KLHL26: variants seen among roughly 807,000 people sequenced by gnomAD.
KLHL26 encodes kelch like family member 26, also known as kelch-like protein 26.
A neutral mutation model predicts 7.1 loss-of-function variants in KLHL26; 4 were observed. That is an observed-to-expected ratio of 0.56 (90% CI 0.28 to 1.28). KLHL26 has a LOEUF of 1.28. KLHL26 is among the 50% of genes most tolerant of loss of function. The pLI, the probability that KLHL26 is intolerant of heterozygous loss-of-function variation, is 0.11. For synonymous variants in KLHL26, 465 were observed against 414.1 expected (o/e 1.12, Z -1.49); for missense variants, 896 against 924.6 (o/e 0.97, Z 0.40).
Position 18,664,267 on chromosome 19 carries a change from C to A in KLHL26, c.90C>A (p.Ala30=). ...ACCTCTGCTTTCCCCGCAGCACGGCCGACAAGAACGGGGCCCTCAAGTGCA... is the reference window on the plus strand; with the variant it reads ...ACCTCTGCTTTCCCCGCAGCACGGCAGACAAGAACGGGGCCCTCAAGTGCA... ...GPGPERPNST[A]DKNGALKCTF... Residue 30 remains alanine, a synonymous_variant, in exon 2 of 3, where the codon GCC becomes GCA. Transcript: ENST00000300976. 1 of 1,595,894 alleles carries A rather than the reference C, an allele frequency of 6.3e-7. No homozygotes were observed. The highest frequency in any genetic ancestry group is 1.1e-5 in the South Asian group (1 of 89,248).
At chr19:18,664,508 G>T (rs964679557) in intron 2 of KLHL26, 65 bp downstream of exon 2, 3 of 1,340,676 alleles carry the variant, frequency 2.2e-6, no homozygotes, top group Non-Finnish European at 3.0e-6. Flanking sequence ...AGGGCAGATG[G>T]CACCCACTTT....
rs1238686627 is a variant in KLHL26, at chr19:18,649,256, G to A, written c.83+12119G>A. Among the ~76,000 whole-genome samples the A allele has an allele frequency of 6.6e-6, 1 of 152,182 alleles. No homozygotes were observed. The highest frequency in any genetic ancestry group is 1.5e-5 in the Non-Finnish European group (1 of 68,044). ...GGCTTTATCAGATCTTTTTACAGTG[G>A]TGGTCCTGGCGCTGGCACAGCTACT... On this transcript the variant is annotated intron_variant, in intron 1 of 2. Coordinates refer to ENST00000300976, the MANE Select transcript of KLHL26 (RefSeq NM_018316.3). The surrounding 1 kb of genome is among the most constrained non-coding windows in gnomAD (Gnocchi z 4.0).
intron 1 of KLHL26, among the ~76,000 whole-genome samples, chr19:18,661,665 G>A (rs911580182): frequency 3.9e-5 from 6 of 152,036 alleles, no homozygotes; most frequent in South Asian, 2.1e-4. Flanking sequence ...CTTATTTCTC[G>A]TCTGTGGCCC....
At chr19:18,644,813 A>T (rs1325861277) in intron 1 of KLHL26, 1 of 151,996 alleles carries the variant, frequency 6.6e-6, no homozygotes, top group Non-Finnish European at 1.5e-5. Context: ...TTTTTGTCCC[A>T]CGAAGGTTTT....
In KLHL26 at chr19:18,649,634, TG is replaced by T. The variant is rs1555767154; in HGVS notation, c.83+12502del. 6.6e-6 allele frequency among the ~76,000 whole-genome samples: 1 copy of T among 152,216 alleles called. No individual in the cohort carries two copies. The highest frequency in any genetic ancestry group is 1.5e-5 in the Non-Finnish European group (1 of 68,028). ...CCTGTCCAGCTGTCTGAAGTGGAAGTGGGGGCCAAGCCCGCTGGGTTCCCGC... is the reference window on the plus strand; with the variant it reads ...CCTGTCCAGCTGTCTGAAGTGGAAGTGGGGCCAAGCCCGCTGGGTTCCCGC... On this transcript the variant is annotated intron_variant, in intron 1 of 2. Transcript: ENST00000300976. This position sits in a 1 kb window ranked among gnomAD's most constrained non-coding sequence, Gnocchi z 4.0.
At position 18,649,044 on chromosome 19, in the gene KLHL26, C is replaced by T. The variant is rs147123962; in HGVS notation, c.83+11907C>T. On this transcript the variant is annotated intron_variant, in intron 1 of 2. Coordinates refer to ENST00000300976, the MANE Select transcript of KLHL26 (RefSeq NM_018316.3). The surrounding 1 kb of genome is among the most constrained non-coding windows in gnomAD (Gnocchi z 4.0). ...GGCCCCTGAGCTTCCGCAGCTCTGA[C>T]GGCTCTGCTGGGCTCTGAAGCACGC... is the stretch of plus-strand genomic sequence containing the variant. 3.4e-3 allele frequency among the ~76,000 whole-genome samples: 522 copies of T among 152,306 alleles called. 3 individuals carry two copies. Among genetic ancestry groups the T allele is most frequent in the African/African-American group, 0.012 (486 of 41,570 alleles).
chr19:18,664,996 G>A (rs2052432847), intron 2 of KLHL26, among the ~76,000 whole-genome samples: 1 of 151,556 alleles, frequency 6.6e-6, no homozygotes, highest in Non-Finnish European at 1.5e-5. Flanking sequence ...TGGCCTGTGG[G>A]CACCCACTCA....
chr19:18,652,156 A>G (rs1346800298), intron 1 of KLHL26, among the ~76,000 whole-genome samples: 1 of 152,186 alleles, frequency 6.6e-6, no homozygotes, highest in Non-Finnish European at 1.5e-5. Flanking sequence ...ACAGAGCACA[A>G]CATGAGCAAA....
chr19:18,647,359 C>A (rs73923135), intron 1 of KLHL26, among the ~76,000 whole-genome samples: 28,533 of 152,178 alleles, frequency 0.19, 3,049 homozygotes, highest in African/African-American at 0.29. Context: ...CCACCTCCCC[C>A]ACGGCGATTA....
In KLHL26 at chr19:18,637,052, A is replaced by G. The variant is rs1235396075; in HGVS notation, c.-3A>G. 3.7e-6 allele frequency: 5 copies of G among 1,351,428 alleles called. No individual in the cohort carries two copies. The highest frequency in any genetic ancestry group is 3.5e-5 in the South Asian group (2 of 56,774). 83.7% of individuals were successfully genotyped at this position (1,351,428 alleles called of 1,614,324 possible). Reference sequence around the variant, plus strand: ...CACTCGAACGCGCGACGGCGGGGGGAAGATGGCGGAGTCCGGCGGTAGCAG... The same window carrying G: ...CACTCGAACGCGCGACGGCGGGGGGGAGATGGCGGAGTCCGGCGGTAGCAG... On this transcript the variant is annotated 5_prime_UTR_variant, in exon 1 of 3. Transcript: ENST00000300976.
In KLHL26 at chr19:18,664,533, T is replaced by G. The variant is rs955056210; in HGVS notation, c.266+90T>G. 3.1e-5 allele frequency: 33 copies of G among 1,052,878 alleles called. No homozygotes were observed. In the African/African-American group the frequency reaches 4.8e-4, roughly 15 times the overall value. The allele number at this position is 1,052,878 out of a possible 1,614,324, so 65.2% of individuals were successfully genotyped here. ...GCACCCACTTTCTAAAGGGGGCCTGTCTCAGCGCTACCCAGGGACAGCTTC... is the reference window on the plus strand; with the variant it reads ...GCACCCACTTTCTAAAGGGGGCCTGGCTCAGCGCTACCCAGGGACAGCTTC... On this transcript the variant is annotated intron_variant, in intron 2 of 2. Coordinates refer to ENST00000300976, the MANE Select transcript of KLHL26 (RefSeq NM_018316.3).
chr19:18,666,987 C>G (rs556821591), intron 2 of KLHL26, among the ~76,000 whole-genome samples: 1 of 152,216 alleles, frequency 6.6e-6, no homozygotes, highest in Non-Finnish European at 1.5e-5. Context: ...ACCGCACCCC[C>G]GACAGGCACA....
rs1405795708 is a variant in KLHL26, at chr19:18,668,556, G to A, written c.1159G>A (p.Asp387Asn). The A allele has an allele frequency of 1.9e-6, 3 of 1,594,120 alleles. No homozygotes were observed. The highest frequency in any genetic ancestry group is 1.3e-5 in the African/African-American group (1 of 74,772). Residue 387 changes from aspartate (D) to asparagine (N), a missense_variant, in exon 3 of 3, where the codon GAC becomes AAC. Coordinates refer to ENST00000300976, the MANE Select transcript of KLHL26 (RefSeq NM_018316.3). ...CGCAGTGGACGCCTGCTACCGCTAC[G>A]ACCCCCACCTGAATCGCTGGCTGCG... is the stretch of plus-strand genomic sequence containing the variant. ...EGAVDACYRY[D>N]PHLNRWLRLQ... is the part of the protein sequence containing the mutation.
At chr19:18,657,299 G>T (rs2074144582) in intron 1 of KLHL26, among the ~76,000 whole-genome samples, 1 of 141,396 alleles carries the variant, frequency 7.1e-6, no homozygotes, top group African/African-American at 2.7e-5. Context: ...GTATCAGTGT[G>T]GTTGGAGTCT....
rs1292046877 is a variant in KLHL26, at chr19:18,656,374, C to T, written c.84-7887C>T. On this transcript the variant is annotated intron_variant, in intron 1 of 2. Transcript: ENST00000300976. The surrounding 1 kb of genome is among the most constrained non-coding windows in gnomAD (Gnocchi z 4.4). ...TGCCTGCCTGCCCTCCCTGAACTCC[C>T]GGTGTGACTTGGGCAGCCCGCCACC... Among the ~76,000 whole-genome samples the T allele has an allele frequency of 3.3e-5, 5 of 151,706 alleles. No homozygotes were observed. The highest frequency in any genetic ancestry group is 5.9e-5 in the Non-Finnish European group (4 of 67,928).
rs141714796 is a variant in KLHL26, at chr19:18,668,081, C to T, written c.684C>T (p.Arg228=). 3.1e-5 allele frequency: 50 copies of T among 1,605,260 alleles called. No individual in the cohort carries two copies. The highest frequency in any genetic ancestry group is 2.0e-4 in the Admixed American group (12 of 59,990). ...GCTGTGCCGAGATCGACCTGTTCCGCGCGGCCGTCCGCTGGCTGCAGCATG... is the reference window on the plus strand; with the variant it reads ...GCTGTGCCGAGATCGACCTGTTCCGTGCGGCCGTCCGCTGGCTGCAGCATG... ...LQSCAEIDLF[R]AAVRWLQHDP... The change falls in exon 3 of 3, where the codon CGC becomes CGT. Residue 228 remains arginine, a synonymous_variant. Transcript: ENST00000300976.
chr19:18,662,144 C>G, intron 1 of KLHL26, among the ~76,000 whole-genome samples: 1 of 152,164 alleles, frequency 6.6e-6, no homozygotes, highest in East Asian at 1.9e-4. Flanking sequence ...CCCAGTGCAA[C>G]GTGTTTCTTC....
chr19:18,651,789 G>A (rs949442150), intron 1 of KLHL26, among the ~76,000 whole-genome samples: 7 of 152,230 alleles, frequency 4.6e-5, no homozygotes, highest in Non-Finnish European at 4.4e-5. Context: ...GTTTCCAAGC[G>A]GTGCTCTGGA....
At chr19:18,651,306 G>C (rs1355672103) in intron 1 of KLHL26, among the ~76,000 whole-genome samples, 2 of 152,068 alleles carry the variant, frequency 1.3e-5, no homozygotes, top group Non-Finnish European at 2.9e-5. Context: ...AAAAATCCCA[G>C]GGAAGGCTCT....
Sources: gnomAD v4.1 joint callset for allele counts (sites outside exome capture counted in the v4.1 genomes callset) on GRCh38, gnomAD v4.1.1 for gene constraint, Gnocchi (gnomAD v3.1) non-coding constraint, MANE v1.5 for transcripts, NCBI Gene and HGNC (gene_info 2026-07-23, HGNC 2026-07-21) for gene names.